ARHGAP24: variants seen among roughly 807,000 people sequenced by gnomAD.
ARHGAP24 encodes the protein Rho GTPase activating protein 24, also known as rho GTPase-activating protein 24.
In ARHGAP24, 50 loss-of-function variants were observed where a neutral mutation model predicts 76.4. The observed-to-expected ratio is 0.65, with a 90% CI of 0.52 to 0.83. The LOEUF is 0.83. Ranked by LOEUF, ARHGAP24 falls within the 40% of genes least tolerant of loss-of-function variation. The probability of loss-of-function intolerance (pLI) is 0.00; values close to 1 mark genes in which losing one functional copy is unlikely to be tolerated. For synonymous variants in ARHGAP24, 345 were observed against 323.3 expected, an observed-to-expected ratio of 1.07 and a Z score of -0.72; for missense variants, 930 against 914.2, an observed-to-expected ratio of 1.02 and a Z score of -0.22.
intron 3 of ARHGAP24, among the ~76,000 whole-genome samples, chr4:85,808,621 T>A (rs1728887803): frequency 6.6e-6 from 1 of 151,916 alleles, no homozygotes; most frequent in South Asian, 2.1e-4. Context: ...AATATTGTAT[T>A]CCAAAAAACT....
chr4:85,549,353 G>A (rs1456773944), intron 1 of ARHGAP24, among the ~76,000 whole-genome samples: 1 of 151,224 alleles, frequency 6.6e-6, no homozygotes, highest in Non-Finnish European at 1.5e-5. Flanking sequence ...CCATTCAAAT[G>A]GGCATGTAAT....
chr4:85,581,703 G>A (rs1406264009), intron 2 of ARHGAP24, among the ~76,000 whole-genome samples: 1 of 152,024 alleles, frequency 6.6e-6, no homozygotes, highest in Non-Finnish European at 1.5e-5. Context: ...CAGTTTTTCA[G>A]TGCTAAATTT....
At chr4:85,945,633 A>T (rs908416601) in intron 5 of ARHGAP24, among the ~76,000 whole-genome samples, 1 of 151,550 alleles carries the variant, frequency 6.6e-6, no homozygotes, top group Non-Finnish European at 1.5e-5. Flanking sequence ...GGTGGCAAGC[A>T]CCTGTAATCC....
rs145396364 is a variant in ARHGAP24, at chr4:85,745,651, A to G, written c.268+23679A>G. The stretch of plus-strand genomic sequence containing the variant: ...AAGTACATCCTGTGTACCTACTTGC[A>G]TACTACACAGTATGAAAGACATAAA... On this transcript the variant is annotated intron_variant, in intron 3 of 9. Coordinates refer to ENST00000395184, the MANE Select transcript of ARHGAP24 (RefSeq NM_001025616.3). 2.5e-3 allele frequency among the ~76,000 whole-genome samples: 381 copies of G among 151,988 alleles called. 2 individuals are homozygous for G. In the Middle Eastern group the frequency reaches 0.027, roughly 11 times the overall value.
At chr4:85,986,457 A>C (rs1267712388) in intron 8 of ARHGAP24, among the ~76,000 whole-genome samples, 1 of 152,172 alleles carries the variant, frequency 6.6e-6, no homozygotes, top group Non-Finnish European at 1.5e-5. Context: ...GATTCATAAG[A>C]GAAAGAAAAC....
Position 85,995,137 on chromosome 4 carries a change from C to A in ARHGAP24, c.1483C>A (p.Pro495Thr), listed in dbSNP as rs779643335. ...GILNSDTLGNPTNVRNMSWLP... is the reference protein window; with the variant it reads ...GILNSDTLGNTTNVRNMSWLP... ...TTTGAACAGCGACACACTCGGGAACCCCACAAATGTTCGAAACATGAGCTG... is the reference window on the plus strand; with the variant it reads ...TTTGAACAGCGACACACTCGGGAACACCACAAATGTTCGAAACATGAGCTG... Residue 495 changes from proline (P) to threonine (T), a missense_variant, in exon 9 of 10, where the codon CCC becomes ACC. Transcript: ENST00000395184. 6.2e-7 allele frequency: 1 copy of A among 1,613,974 alleles called. No homozygotes were observed. Among genetic ancestry groups the A allele is most frequent in the South Asian group, 1.1e-5 (1 of 91,078 alleles).
At chr4:85,890,659 G>A (rs1256215877) in intron 3 of ARHGAP24, among the ~76,000 whole-genome samples, 1 of 152,134 alleles carries the variant, frequency 6.6e-6, no homozygotes, top group South Asian at 2.1e-4. Context: ...GTGGCAGCTA[G>A]AATAGCCTAT....
intron 3 of ARHGAP24, among the ~76,000 whole-genome samples, chr4:85,836,251 C>G (rs962052005): frequency 6.6e-6 from 1 of 152,152 alleles, no homozygotes; most frequent in African/African-American, 2.4e-5. Flanking sequence ...GGGAAATGTC[C>G]TTGATAACAG....
chr4:85,728,524 T>G (rs1371680490), intron 3 of ARHGAP24, among the ~76,000 whole-genome samples: 1 of 152,196 alleles, frequency 6.6e-6, no homozygotes, highest in Non-Finnish European at 1.5e-5. Context: ...CTTTTACCTC[T>G]CTGATTCAGT....
At chr4:85,491,476 A>C (rs1321238645) in intron 1 of ARHGAP24, among the ~76,000 whole-genome samples, 1 of 152,210 alleles carries the variant, frequency 6.6e-6, no homozygotes, top group Non-Finnish European at 1.5e-5. Context: ...TTAATTAATA[A>C]ATCAGCTAGG....
chr4:85,907,628 AG>A (rs1255159774), intron 3 of ARHGAP24, among the ~76,000 whole-genome samples: 1 of 152,088 alleles, frequency 6.6e-6, no homozygotes, highest in East Asian at 1.9e-4. Flanking sequence ...TGTGTGTCTA[AG>A]TATTGTACTT....
chr4:85,811,571 T>C (rs1234484294), intron 3 of ARHGAP24, among the ~76,000 whole-genome samples: 1 of 152,224 alleles, frequency 6.6e-6, no homozygotes, highest in Admixed American at 6.5e-5. Context: ...TTTTATTTTT[T>C]ATGCCATTAC....
chr4:85,797,122 A>G (rs1196956724), intron 3 of ARHGAP24, among the ~76,000 whole-genome samples: 2 of 151,692 alleles, frequency 1.3e-5, no homozygotes, highest in Non-Finnish European at 2.9e-5. Flanking sequence ...GATAGAGTTT[A>G]GCATGGTAGC....
chr4:85,616,132 C>T (rs115659902), intron 2 of ARHGAP24, among the ~76,000 whole-genome samples: 3,508 of 152,218 alleles, frequency 0.023, 144 homozygotes, highest in African/African-American at 0.078. Flanking sequence ...ATGCCTTTTC[C>T]GCATCATTGG....
At chr4:85,887,728 G>T (rs13146767) in intron 3 of ARHGAP24, among the ~76,000 whole-genome samples, 1 of 152,106 alleles carries the variant, frequency 6.6e-6, no homozygotes, top group Non-Finnish European at 1.5e-5. Context: ...CTGATGCTTA[G>T]GTGAATTTTG....
At chr4:85,810,737 A>C (rs1728975499) in intron 3 of ARHGAP24, among the ~76,000 whole-genome samples, 1 of 152,198 alleles carries the variant, frequency 6.6e-6, no homozygotes, top group African/African-American at 2.4e-5. Flanking sequence ...CTCTGAACCC[A>C]ATCAAATTAA....
Position 85,683,121 on chromosome 4 carries a change from G to GGT in ARHGAP24, c.181-38763_181-38762insTG, listed in dbSNP as rs1723283104. On this transcript the variant is annotated intron_variant, in intron 2 of 9. Coordinates refer to ENST00000395184, the MANE Select transcript of ARHGAP24 (RefSeq NM_001025616.3). Reference sequence around the variant, plus strand: ...CTCTCTCAGTGTGTGGGGGGGTGGGGGGGGGGTGCGGGGGCTGTAAAAAGG... The same window carrying GGT: ...CTCTCTCAGTGTGTGGGGGGGTGGGGGTGGGGGGTGCGGGGGCTGTAAAAAGG... 1.7e-5 allele frequency among the ~76,000 whole-genome samples: 2 copies of GGT among 115,380 alleles called. 1 individual carries two copies. The highest frequency in any genetic ancestry group is 8.3e-4 in the South Asian group (2 of 2,402). The allele number at this position is 115,380 out of a possible 152,430, so 75.7% of individuals were successfully genotyped here.
chr4:85,738,290 T>A (rs1354134805), intron 3 of ARHGAP24, among the ~76,000 whole-genome samples: 1 of 151,996 alleles, frequency 6.6e-6, no homozygotes, highest in African/African-American at 2.4e-5. Context: ...TATCTTTTCA[T>A]GTGCCTTTGA....
At chr4:85,627,739 G>C (rs1324288546) in intron 2 of ARHGAP24, among the ~76,000 whole-genome samples, 1 of 152,202 alleles carries the variant, frequency 6.6e-6, no homozygotes, top group Non-Finnish European at 1.5e-5. Context: ...TTCCCCGGCT[G>C]CTCTGTTTAC....
Sources: gnomAD v4.1 joint callset for allele counts (sites outside exome capture counted in the v4.1 genomes callset) on GRCh38, gnomAD v4.1.1 for gene constraint, MANE v1.5 for transcripts, NCBI Gene and HGNC (gene_info 2026-07-23, HGNC 2026-07-21) for gene names.